RNF185: variants seen among roughly 807,000 people sequenced by gnomAD.
RNF185 encodes the protein E3 ubiquitin-protein ligase RNF185.
In RNF185, 13 loss-of-function variants were observed where a neutral mutation model predicts 24.9. The observed-to-expected ratio is 0.52, with a 90% CI of 0.34 to 0.83. The LOEUF is 0.83. RNF185 is among the 40% of genes least tolerant of loss of function. RNF185 has a pLI of 0.01. For missense variants in RNF185, 184 were observed against 244.7 expected, an observed-to-expected ratio of 0.75 and a Z score of 1.65; for synonymous variants, 79 against 90.3, an observed-to-expected ratio of 0.88 and a Z score of 0.71.
chr22:31,180,907 CTCTCTCTCTGTG>C (rs1038475924), intron 1 of RNF185, among the ~76,000 whole-genome samples: 3 of 50,306 alleles, frequency 6.0e-5, no homozygotes, highest in Non-Finnish European at 1.2e-4. Context: ...GGCATTTTCT[CTCTCTCTCTGTG>C]TGTGTGTGTG....
intron 1 of RNF185, among the ~76,000 whole-genome samples, chr22:31,182,066 A>C (rs542237038): frequency 2.6e-5 from 4 of 151,128 alleles, no homozygotes; most frequent in Middle Eastern, 3.4e-3. Context: ...TAAAAAAAAA[A>C]ACACAATATC....
chr22:31,183,398 A>T (rs1322057078), intron 1 of RNF185, among the ~76,000 whole-genome samples: 3 of 150,504 alleles, frequency 2.0e-5, no homozygotes, highest in Non-Finnish European at 4.4e-5. Flanking sequence ...TTTTAATTTT[A>T]GTATTTATTG....
At chr22:31,193,826 CAAAAACAAGCA>C (rs2048178009) in intron 3 of RNF185, among the ~76,000 whole-genome samples, 2 of 150,828 alleles carry the variant, frequency 1.3e-5, no homozygotes, top group Admixed American at 1.3e-4. Flanking sequence ...AAAAAAAAAT[CAAAAACAAGCA>C]AAAAACAAAC....
At chr22:31,178,410 GTTAA>G (rs1178151248) in intron 1 of RNF185, among the ~76,000 whole-genome samples, 18 of 152,234 alleles carry the variant, frequency 1.2e-4, no homozygotes, top group Non-Finnish European at 2.1e-4. Flanking sequence ...CCAAAACTCT[GTTAA>G]TTAGAGAATC....
intron 4 of RNF185, 92 bp downstream of exon 4, chr22:31,195,673 T>G: frequency 3.9e-6 from 3 of 762,186 alleles, no homozygotes; most frequent in Non-Finnish European, 6.6e-6. Flanking sequence ...CTTTACTTAG[T>G]ACTAGATGAT....
At chr22:31,180,038 G>C (rs918377801) in intron 1 of RNF185, among the ~76,000 whole-genome samples, 1 of 143,802 alleles carries the variant, frequency 7.0e-6, no homozygotes, top group Non-Finnish European at 1.5e-5. Context: ...GTCAGTGATG[G>C]AACCAGGACT....
intron 5 of RNF185, among the ~76,000 whole-genome samples, chr22:31,197,836 G>C (rs1282722013): frequency 6.6e-6 from 1 of 152,004 alleles, no homozygotes; most frequent in Non-Finnish European, 1.5e-5. Flanking sequence ...TCCCACCTCA[G>C]CCTCCCAAAG....
chr22:31,194,431 T>A (rs1305362095), intron 3 of RNF185, among the ~76,000 whole-genome samples: 7 of 152,092 alleles, frequency 4.6e-5, no homozygotes, highest in Admixed American at 4.6e-4. Flanking sequence ...GGGAAAATGC[T>A]ATAAAAATGA....
chr22:31,198,026 G>A (rs2048223621), intron 5 of RNF185, among the ~76,000 whole-genome samples: 1 of 152,112 alleles, frequency 6.6e-6, no homozygotes, highest in African/African-American at 2.4e-5. Context: ...CTGTTAAAAT[G>A]TTAAAGAAAT....
At chr22:31,173,270 CTAAGT>C (rs2047947573) in intron 1 of RNF185, among the ~76,000 whole-genome samples, 1 of 150,228 alleles carries the variant, frequency 6.7e-6, no homozygotes, top group South Asian at 2.1e-4. Flanking sequence ...AAAATTGACT[CTAAGT>C]TATGTAACAT....
chr22:31,194,202 CA>C (rs1403290699), intron 3 of RNF185, among the ~76,000 whole-genome samples: 1 of 151,724 alleles, frequency 6.6e-6, no homozygotes, highest in Non-Finnish European at 1.5e-5. Context: ...CTGGCCTAAA[CA>C]AAAAATTTTA....
In RNF185 at chr22:31,204,913, G is replaced by T. The variant is rs2048300561; in HGVS notation, c.*327G>T. On this transcript the variant is annotated 3_prime_UTR_variant, in exon 7 of 7. Coordinates refer to ENST00000326132, the MANE Select transcript of RNF185 (RefSeq NM_152267.4). ...AGAGGCAGAAAGAGAGAAACTGTCA[G>T]AGTATAATTTCACCTGAGTTTAATA... 4.1e-6 allele frequency: 1 copy of T among 242,946 alleles called. No homozygotes were observed. Among genetic ancestry groups the T allele is most frequent in the Non-Finnish European group, 8.6e-6 (1 of 116,644 alleles). The allele number at this position is 242,946 out of a possible 1,614,324, so 15.0% of individuals were successfully genotyped here. A position where few individuals can be genotyped will look rare whatever the true frequency, so the allele number is the denominator to read the frequency against.
intron 5 of RNF185, among the ~76,000 whole-genome samples, chr22:31,200,288 TTGAGTCTACAG>T (rs1045371952): frequency 1.9e-4 from 29 of 151,942 alleles, no homozygotes; most frequent in Admixed American, 1.5e-3. Context: ...GCCTGGGAGG[TTGAGTCTACAG>T]TGAGCCATGA....
chr22:31,189,761 A>C (rs2048138625), intron 2 of RNF185, among the ~76,000 whole-genome samples: 1 of 151,958 alleles, frequency 6.6e-6, no homozygotes, highest in Admixed American at 6.6e-5. Context: ...GCACCCAGCT[A>C]ATTTTTGTAT....
chr22:31,194,600 C>A (rs888475304), intron 3 of RNF185, among the ~76,000 whole-genome samples: 1 of 151,896 alleles, frequency 6.6e-6, no homozygotes, highest in East Asian at 2.0e-4. Flanking sequence ...CAGTGGTGGG[C>A]GCCTGTAATC....
In RNF185 at chr22:31,187,034, C is replaced by A. The variant is rs779438828; in HGVS notation, c.-48-13C>A. 33 of 1,538,676 alleles carry A rather than the reference C, an allele frequency of 2.1e-5. No homozygotes were observed. The highest frequency in any genetic ancestry group is 2.8e-5 in the Non-Finnish European group (32 of 1,139,246). On this transcript the variant is annotated splice_polypyrimidine_tract_variant and intron_variant, in intron 1 of 6. Coordinates refer to ENST00000326132, the MANE Select transcript of RNF185 (RefSeq NM_152267.4). ...CTGCAGAAATGGACAGTCAAGAGTTCTCTGCCTTTTAGGATTTCCCTGGGG... is the reference window on the plus strand; with the variant it reads ...CTGCAGAAATGGACAGTCAAGAGTTATCTGCCTTTTAGGATTTCCCTGGGG...
At chr22:31,183,614 C>G (rs1275215423) in intron 1 of RNF185, among the ~76,000 whole-genome samples, 1 of 152,096 alleles carries the variant, frequency 6.6e-6, no homozygotes, top group African/African-American at 2.4e-5. Context: ...CTTCAAGCAT[C>G]TGTTTAACAA....
intron 1 of RNF185, among the ~76,000 whole-genome samples, chr22:31,172,747 T>G (rs765379133): frequency 4.3e-5 from 1 of 23,170 alleles, no homozygotes; most frequent in Non-Finnish European, 8.8e-5. Flanking sequence ...AGACCCCGTC[T>G]CAAAAAAAAA....
chr22:31,187,905 G>A (rs2048115187), intron 2 of RNF185, among the ~76,000 whole-genome samples: 1 of 141,614 alleles, frequency 7.1e-6, no homozygotes. Context: ...CTAGGTGAAG[G>A]TCGGATTTTG....
Sources: gnomAD v4.1 joint callset for allele counts (sites outside exome capture counted in the v4.1 genomes callset) on GRCh38, gnomAD v4.1.1 for gene constraint, MANE v1.5 for transcripts, NCBI Gene and HGNC (gene_info 2026-07-23, HGNC 2026-07-21) for gene names.